Variants in SYT14 observed in about 807,000 individuals in gnomAD.
SYT14 encodes the protein synaptotagmin-14.
A neutral mutation model predicts 74.2 loss-of-function variants in SYT14; 32 were observed. The ratio of observed to expected loss-of-function variants is 0.43; its 90% CI spans 0.33 to 0.58. The LOEUF is 0.58. Ranked by LOEUF, SYT14 falls within the 20% of genes least tolerant of loss-of-function variation. The pLI is 0.05. For synonymous variants in SYT14, 298 were observed against 337.7 expected (o/e 0.88, Z 1.29); for missense variants, 791 against 981.8 (o/e 0.81, Z 2.60).
chr1:210,023,620 G>T (rs2080348675), intron 5 of SYT14, among the ~76,000 whole-genome samples: 1 of 152,160 alleles, frequency 6.6e-6, no homozygotes, highest in Admixed American at 6.5e-5. Context: ...GGGATTACAG[G>T]CATGAGCCAC....
chr1:210,012,867 A>T (rs2080111897), intron 2 of SYT14, among the ~76,000 whole-genome samples: 2 of 151,774 alleles, frequency 1.3e-5, no homozygotes, highest in African/African-American at 4.8e-5. Context: ...ACACCTGGGT[A>T]ATTTTTGTAC....
intron 5 of SYT14, among the ~76,000 whole-genome samples, chr1:210,042,222 A>G (rs1482539311): frequency 6.6e-6 from 1 of 152,044 alleles, no homozygotes; most frequent in African/African-American, 2.4e-5. Flanking sequence ...AGCAAAATTA[A>G]ATTTACAAAC....
intron 7 of SYT14, among the ~76,000 whole-genome samples, chr1:210,102,916 G>A (rs997785313): frequency 2.0e-5 from 3 of 151,904 alleles, no homozygotes; most frequent in Admixed American, 6.6e-5. Context: ...GGCCTGAAGC[G>A]ATTCTCCCAT....
At chr1:210,042,161 A>G (rs2080803716) in intron 5 of SYT14, among the ~76,000 whole-genome samples, 1 of 152,134 alleles carries the variant, frequency 6.6e-6, no homozygotes, top group Non-Finnish European at 1.5e-5. Flanking sequence ...TCCTGCATGG[A>G]CAGGGATAGA....
intron 7 of SYT14, among the ~76,000 whole-genome samples, chr1:210,131,529 T>G (rs2082673819): frequency 6.6e-6 from 1 of 151,626 alleles, no homozygotes; most frequent in Non-Finnish European, 1.5e-5. Context: ...ATTATCCTTC[T>G]ATTTTTTATC....
intron 5 of SYT14, among the ~76,000 whole-genome samples, chr1:210,081,600 G>A (rs2081617021): frequency 6.6e-6 from 1 of 152,168 alleles, no homozygotes; most frequent in East Asian, 1.9e-4. Context: ...TTGATGTAGG[G>A]TTGCCACAGA....
intron 7 of SYT14, among the ~76,000 whole-genome samples, chr1:210,107,059 C>T (rs762815989): frequency 6.6e-6 from 1 of 152,228 alleles, no homozygotes; most frequent in Non-Finnish European, 1.5e-5. Context: ...CATGCCAAGT[C>T]CAAAATCCAA....
intron 2 of SYT14, among the ~76,000 whole-genome samples, chr1:209,969,335 T>A (rs1047413805): frequency 9.2e-5 from 14 of 152,144 alleles, no homozygotes; most frequent in Admixed American, 7.9e-4. Flanking sequence ...CTTTCCATGG[T>A]GGCTAAACTA....
intron 2 of SYT14, among the ~76,000 whole-genome samples, chr1:209,956,440 T>C (rs1288094567): frequency 6.6e-6 from 1 of 152,178 alleles, no homozygotes; most frequent in Non-Finnish European, 1.5e-5. Context: ...CTTTGGAGGT[T>C]ACTATGTTCA....
rs182645243 is a variant in SYT14 at position 210,083,431 on chromosome 1, A to G, written c.1313-10891A>G. On this transcript the variant is annotated intron_variant, in intron 5 of 9. Transcript: ENST00000637265. ...CAAAAGAAGATTATATATTTATTTT[A>G]TAACAGGGTCATGCTCTGTGGCTCA... Among the ~76,000 whole-genome samples the G allele has an allele frequency of 2.2e-3, 329 of 152,340 alleles. 8 individuals carry two copies. The highest frequency in any genetic ancestry group is 0.02 in the Admixed American group (300 of 15,288).
chr1:210,019,289 A>G (rs1037331506), intron 4 of SYT14, among the ~76,000 whole-genome samples: 1 of 152,172 alleles, frequency 6.6e-6, no homozygotes, highest in South Asian at 2.1e-4. Flanking sequence ...GATCCCCACC[A>G]TGGTATCCCA....
chr1:209,982,014 T>A (rs1282785924), intron 2 of SYT14, among the ~76,000 whole-genome samples: 2 of 152,092 alleles, frequency 1.3e-5, no homozygotes, highest in African/African-American at 4.8e-5. Context: ...GATGCCTACC[T>A]CTCTTGCAAG....
At chr1:209,983,012 T>C (rs1397104168) in intron 2 of SYT14, among the ~76,000 whole-genome samples, 1 of 152,184 alleles carries the variant, frequency 6.6e-6, no homozygotes, top group African/African-American at 2.4e-5. Context: ...AGGTGTCTTT[T>C]AAGGCCTTTG....
chr1:210,052,686 C>CAAAAAAAAAAAAAAAAAAA, intron 5 of SYT14, among the ~76,000 whole-genome samples: 1 of 53,774 alleles, frequency 1.9e-5, no homozygotes, highest in Non-Finnish European at 3.4e-5. Flanking sequence ...AAAAAAAAAG[C>CAAAAAAAAAAAAAAAAAAA]TCTCCAAGCA....
intron 5 of SYT14, among the ~76,000 whole-genome samples, chr1:210,053,474 T>C (rs1387934): frequency 0.57 from 86,398 of 152,072 alleles, 26,633 homozygotes; most frequent in African/African-American, 0.82. Flanking sequence ...AACTAAAAGC[T>C]TTACATGACC....
At chr1:210,005,770 G>C (rs1395139552) in intron 2 of SYT14, among the ~76,000 whole-genome samples, 1 of 151,914 alleles carries the variant, frequency 6.6e-6, no homozygotes, top group African/African-American at 2.4e-5. Flanking sequence ...TTTATATTAA[G>C]ATTTGGTTTA....
chr1:210,003,157 A>G (rs866282985), intron 2 of SYT14, among the ~76,000 whole-genome samples: 4 of 152,278 alleles, frequency 2.6e-5, no homozygotes, highest in African/African-American at 9.6e-5. Flanking sequence ...TCCAAGCACA[A>G]TGCATTCAAA....
intron 5 of SYT14, among the ~76,000 whole-genome samples, chr1:210,076,805 A>G (rs1442674960): frequency 6.6e-6 from 1 of 152,180 alleles, no homozygotes; most frequent in Non-Finnish European, 1.5e-5. Context: ...TATCACGAGA[A>G]CAGCACCAAG....
At chr1:210,085,453 T>G (rs954585548) in intron 5 of SYT14, among the ~76,000 whole-genome samples, 6 of 152,198 alleles carry the variant, frequency 3.9e-5, no homozygotes, top group Non-Finnish European at 2.9e-5. Flanking sequence ...ATTCCTGATC[T>G]CAGAGGTAAA....
Sources: gnomAD v4.1 joint callset for allele counts (sites outside exome capture counted in the v4.1 genomes callset) on GRCh38, gnomAD v4.1.1 for gene constraint, MANE v1.5 for transcripts, NCBI Gene and HGNC (gene_info 2026-07-23, HGNC 2026-07-21) for gene names.